The following PALLD variants were observed in gnomAD, a reference collection of about 807,000 sequenced individuals.
The protein encoded by PALLD is palladin, cytoskeletal associated protein.
A neutral mutation model predicts 123.5 loss-of-function variants in PALLD; 61 were observed. That is an observed-to-expected ratio of 0.49 (90% CI 0.40 to 0.61). The LOEUF is 0.61. Ranked by LOEUF, PALLD falls within the 20% of genes least tolerant of loss-of-function variation. The pLI is 0.00. For synonymous variants in PALLD, 465 were observed against 496.4 expected, an observed-to-expected ratio of 0.94 and a Z score of 0.84; for missense variants, 1,273 against 1,377.0, an observed-to-expected ratio of 0.92 and a Z score of 1.20.
chr4:168,687,501 T>G (rs1326495269), intron 6 of PALLD, among the ~76,000 whole-genome samples: 1 of 152,208 alleles, frequency 6.6e-6, no homozygotes, highest in African/African-American at 2.4e-5. Context: ...TCCAATGTAT[T>G]GGTATCCAAG....
chr4:168,751,275 G>A (rs879666327), intron 10 of PALLD, among the ~76,000 whole-genome samples: 1 of 152,108 alleles, frequency 6.6e-6, no homozygotes, highest in African/African-American at 2.4e-5. Context: ...GCCTCCCAAA[G>A]TGCTGGGATT....
chr4:168,540,969 A>T (rs1303571812), intron 2 of PALLD, among the ~76,000 whole-genome samples: 1 of 152,172 alleles, frequency 6.6e-6, no homozygotes, highest in Non-Finnish European at 1.5e-5. Flanking sequence ...TTATAGATAT[A>T]CTCTAAATTG....
In PALLD at chr4:168,512,208, A is replaced by G. The variant is rs775094994; in HGVS notation, c.704A>G (p.Lys235Arg). The G allele has an allele frequency of 6.2e-6, 10 of 1,613,680 alleles. No homozygotes were observed. The highest frequency in any genetic ancestry group is 7.6e-6 in the Non-Finnish European group (9 of 1,179,782). The part of the protein sequence containing the change: ...EDQGEMEREV[K>R]SPGARHCYQD... ...CAAGGGGAGATGGAAAGAGAGGTCAAGTCCCCTGGGGCCAGGCATTGCTAC... is the reference window on the plus strand; with the variant it reads ...CAAGGGGAGATGGAAAGAGAGGTCAGGTCCCCTGGGGCCAGGCATTGCTAC... Residue 235 changes from lysine (K) to arginine (R), a missense_variant, in exon 2 of 22, where the codon AAG becomes AGG. Around this residue, in one of 2 missense-constraint regions of PALLD, gnomAD observed 944 missense variants for 954.5 expected, o/e 0.99. Coordinates refer to ENST00000505667, the MANE Select transcript of PALLD (RefSeq NM_001166108.2).
intron 2 of PALLD, among the ~76,000 whole-genome samples, chr4:168,622,513 T>C (rs758986109): frequency 1.5e-4 from 23 of 152,204 alleles, no homozygotes; most frequent in Non-Finnish European, 3.1e-4. Flanking sequence ...TTTCCATGTA[T>C]TTCCCCCTTT....
intron 2 of PALLD, among the ~76,000 whole-genome samples, chr4:168,644,372 A>G (rs1047229785): frequency 6.6e-6 from 1 of 152,188 alleles, no homozygotes; most frequent in African/African-American, 2.4e-5. Context: ...TACAGGCGTG[A>G]GCCACTGCAC....
Position 168,878,302 on chromosome 4 carries a change from G to T in PALLD, c.1965-12620G>T, listed in dbSNP as rs1752100742. The T allele has an allele frequency of 3.3e-6, 5 of 1,527,122 alleles. No homozygotes were observed. The highest frequency in any genetic ancestry group is 4.4e-6 in the Non-Finnish European group (5 of 1,143,812). The allele number at this position is 1,527,122 out of a possible 1,614,324, so 94.6% of individuals were successfully genotyped here. ...CTGCCACCCGCTTCGGCCACAGCCAGACGCCCGCGGCCTTCCTCAGCGCTC... is the reference window on the plus strand; with the variant it reads ...CTGCCACCCGCTTCGGCCACAGCCATACGCCCGCGGCCTTCCTCAGCGCTC... On this transcript the variant is annotated intron_variant, in intron 10 of 21. Transcript: ENST00000505667.
At chr4:168,747,674 T>C (rs557272682) in intron 10 of PALLD, among the ~76,000 whole-genome samples, 53 of 152,184 alleles carry the variant, frequency 3.5e-4, no homozygotes, top group Non-Finnish European at 6.2e-4. Flanking sequence ...CCAGTCACCT[T>C]GTCAGTTCAC....
intron 2 of PALLD, among the ~76,000 whole-genome samples, chr4:168,514,248 T>G (rs951409931): frequency 2.6e-5 from 4 of 152,244 alleles, no homozygotes; most frequent in Non-Finnish European, 5.9e-5. Context: ...CAAACTTCCC[T>G]GTATCTCTGA....
chr4:168,597,413 T>C (rs1255841000), intron 2 of PALLD, among the ~76,000 whole-genome samples: 1 of 152,054 alleles, frequency 6.6e-6, no homozygotes, highest in Non-Finnish European at 1.5e-5. Context: ...AATTTTTATT[T>C]AGAATGAGAA....
At chr4:168,859,656 G>A (rs182257625) in intron 10 of PALLD, among the ~76,000 whole-genome samples, 1 of 152,290 alleles carries the variant, frequency 6.6e-6, no homozygotes, top group East Asian at 1.9e-4. Context: ...AGGCTCTGCT[G>A]TATAATTCCT....
chr4:168,761,641 G>GTTTGTTTTTTTTTTTTTTTTTTTT (rs1732865763), intron 10 of PALLD, among the ~76,000 whole-genome samples: 1 of 11,650 alleles, frequency 8.6e-5, no homozygotes, highest in Non-Finnish European at 2.1e-4. Context: ...TGTTGTTGTT[G>GTTTGTTTTTTTTTTTTTTTTTTTT]TTTGTTTTTT....
Position 168,897,114 on chromosome 4 carries a change from G to A in PALLD, c.2250+515G>A, listed in dbSNP as rs116931119. On this transcript the variant is annotated intron_variant, in intron 13 of 21. Coordinates refer to ENST00000505667, the MANE Select transcript of PALLD (RefSeq NM_001166108.2). ...CCAAAGCGCTGGGAATACGGCATGAGCCACAGTGCCTGGCCTCTGACTTGA... is the reference window on the plus strand; with the variant it reads ...CCAAAGCGCTGGGAATACGGCATGAACCACAGTGCCTGGCCTCTGACTTGA... Among the ~76,000 whole-genome samples the A allele has an allele frequency of 4.6e-5, 7 of 152,288 alleles. No homozygotes were observed. The East Asian group carries it at 1.4e-3, about 29-fold the overall frequency.
chr4:168,568,577 C>A (rs1768648753), intron 2 of PALLD, among the ~76,000 whole-genome samples: 2 of 151,876 alleles, frequency 1.3e-5, no homozygotes, highest in Admixed American at 1.3e-4. Flanking sequence ...TTACATTAGT[C>A]CTGTATTATT....
intron 10 of PALLD, among the ~76,000 whole-genome samples, chr4:168,799,718 T>C (rs2150671033): frequency 6.6e-6 from 1 of 152,334 alleles, no homozygotes; most frequent in South Asian, 2.1e-4. Context: ...TGAAAGAGCA[T>C]ATGTGAATAA....
chr4:168,910,220 CTTTTTT>C (rs70961563), intron 15 of PALLD, among the ~76,000 whole-genome samples: 5 of 114,010 alleles, frequency 4.4e-5, no homozygotes, highest in Non-Finnish European at 3.6e-5. Context: ...AACCTGTTTA[CTTTTTT>C]TTTTTTTTTT....
chr4:168,593,180 T>C (rs1340292443), intron 2 of PALLD, among the ~76,000 whole-genome samples: 1 of 152,086 alleles, frequency 6.6e-6, no homozygotes, highest in Non-Finnish European at 1.5e-5. Context: ...TAAATGTTTA[T>C]GGTTAATTTC....
intron 10 of PALLD, among the ~76,000 whole-genome samples, chr4:168,742,121 A>G (rs1788409936): frequency 6.6e-6 from 1 of 152,278 alleles, no homozygotes; most frequent in South Asian, 2.1e-4. Context: ...AGGAAGCCAT[A>G]TGGATGGTGC....
intron 2 of PALLD, among the ~76,000 whole-genome samples, chr4:168,641,313 A>G (rs550658753): frequency 1.5e-4 from 23 of 152,146 alleles, no homozygotes; most frequent in South Asian, 1.5e-3. Flanking sequence ...AGCACCGTAG[A>G]GGGTTTTGAG....
chr4:168,788,350 A>T (rs200539349), intron 10 of PALLD, among the ~76,000 whole-genome samples: 4 of 97,876 alleles, frequency 4.1e-5, no homozygotes, highest in Admixed American at 9.1e-5. Flanking sequence ...TTATATATAT[A>T]TTTTTAATGT....
Sources: gnomAD v4.1 joint callset for allele counts (sites outside exome capture counted in the v4.1 genomes callset) on GRCh38, gnomAD v4.1.1 for gene constraint, gnomAD v4.1.1 regional missense constraint, MANE v1.5 for transcripts, NCBI Gene and HGNC (gene_info 2026-07-23, HGNC 2026-07-21) for gene names.